Variants in GALNT17 observed in about 807,000 individuals in gnomAD.
GALNT17 encodes UDP-GalNAc:polypeptide N-acetylgalactosaminyltransferase-like 3.
GALNT17 carries 29 observed loss-of-function variants against 63.7 expected under a neutral mutation model. The ratio of observed to expected loss-of-function variants is 0.46; its 90% CI spans 0.34 to 0.62. The LOEUF is 0.62. GALNT17 is among the 20% of genes least tolerant of loss of function. The pLI, the probability that GALNT17 is intolerant of heterozygous loss-of-function variation, is 0.01. For synonymous variants in GALNT17, 305 were observed against 318.3 expected (o/e 0.96, Z 0.45); for missense variants, 603 against 799.6 (o/e 0.75, Z 2.97).
At chr7:71,467,568 CAT>C (rs1359964183) in intron 5 of GALNT17, among the ~76,000 whole-genome samples, 1 of 151,240 alleles carries the variant, frequency 6.6e-6, no homozygotes, top group Non-Finnish European at 1.5e-5. Flanking sequence ...CTTTCTGTGA[CAT>C]GTGTTCTTAC....
chr7:71,523,584 G>A (rs1294833944), intron 5 of GALNT17, among the ~76,000 whole-genome samples: 11 of 151,422 alleles, frequency 7.3e-5, no homozygotes, highest in African/African-American at 1.9e-4. Context: ...ACAAGATCAC[G>A]TCTCCACAAA....
At chr7:71,282,229 G>C (rs527275549) in intron 1 of GALNT17, among the ~76,000 whole-genome samples, 15 of 152,202 alleles carry the variant, frequency 9.9e-5, no homozygotes, top group Non-Finnish European at 2.1e-4. Flanking sequence ...CGACTGGCAG[G>C]TTTGTGCCTC....
intron 2 of GALNT17, among the ~76,000 whole-genome samples, chr7:71,346,104 G>C (rs943542281): frequency 6.6e-6 from 1 of 151,676 alleles, no homozygotes; most frequent in Admixed American, 6.6e-5. Context: ...GAAGTGGGGG[G>C]ATTGCTTGAG....
intron 1 of GALNT17, among the ~76,000 whole-genome samples, chr7:71,190,036 C>T (rs1788922771): frequency 6.6e-6 from 1 of 152,078 alleles, no homozygotes; most frequent in African/African-American, 2.4e-5. Context: ...TGGTCTCGAT[C>T]ACCTGACCTT....
intron 1 of GALNT17, among the ~76,000 whole-genome samples, chr7:71,222,198 C>T (rs895564648): frequency 6.6e-6 from 1 of 152,066 alleles, no homozygotes. Context: ...TGAGCCACCA[C>T]TGCTGGCCCT....
At chr7:71,511,727 C>T (rs1476013451) in intron 5 of GALNT17, among the ~76,000 whole-genome samples, 1 of 152,124 alleles carries the variant, frequency 6.6e-6, no homozygotes, top group African/African-American at 2.4e-5. Context: ...ACCATAGTGC[C>T]CCCTATAGTT....
At chr7:71,514,703 A>G (rs1788418250) in intron 5 of GALNT17, among the ~76,000 whole-genome samples, 1 of 152,088 alleles carries the variant, frequency 6.6e-6, no homozygotes, top group African/African-American at 2.4e-5. Context: ...TAATGGCTTC[A>G]TTTCTCTAAG....
At chr7:71,525,853 C>T (rs1028985548) in intron 5 of GALNT17, among the ~76,000 whole-genome samples, 6 of 150,770 alleles carry the variant, frequency 4.0e-5, no homozygotes, top group Non-Finnish European at 7.4e-5. Flanking sequence ...GATTCTCCTG[C>T]CTCATCTTCC....
intron 2 of GALNT17, 79 bp from the exon 3 acceptor site, chr7:71,388,156 A>C (rs934616581): frequency 1.3e-6 from 2 of 1,494,026 alleles, no homozygotes. Context: ...TTCGGCTGAA[A>C]TCTTACACTA....
intron 5 of GALNT17, among the ~76,000 whole-genome samples, chr7:71,548,981 G>T (rs1376291564): frequency 6.6e-6 from 1 of 152,158 alleles, no homozygotes; most frequent in Non-Finnish European, 1.5e-5. Flanking sequence ...GTGTGTGGGA[G>T]AAACAGCTTT....
rs754219082 is a variant in GALNT17 at position 71,712,141 on chromosome 7, A to G, written c.1792A>G (p.Lys598Glu). The change falls in exon 11 of 11, where the codon AAG (lysine) becomes GAG (glutamate). Residue 598 changes from lysine (K) to glutamate (E), a missense_variant. Around this residue, in one of 3 missense-constraint regions of GALNT17, gnomAD observed 72 missense variants for 76.9 expected, o/e 0.94. Coordinates refer to ENST00000333538, the MANE Select transcript of GALNT17 (RefSeq NM_022479.3). ...GAGGTGGACCATTAAGAACTCCATC[A>G]AGTAGAGGGAGGGAGCTGGGGCACT... ...GQRWTIKNSI[K>E] The G allele has an allele frequency of 6.2e-6, 10 of 1,612,422 alleles. No homozygotes were observed. In the Admixed American group the frequency reaches 1.7e-4, roughly 27 times the overall value.
intron 2 of GALNT17, among the ~76,000 whole-genome samples, chr7:71,367,897 G>A (rs1792544827): frequency 6.6e-6 from 1 of 152,208 alleles, no homozygotes; most frequent in Non-Finnish European, 1.5e-5. Flanking sequence ...GAATAAGGAA[G>A]AGGGGACTTG....
intron 5 of GALNT17, among the ~76,000 whole-genome samples, chr7:71,554,016 T>G (rs1789123326): frequency 6.6e-6 from 1 of 152,176 alleles, no homozygotes; most frequent in African/African-American, 2.4e-5. Context: ...CAATCTTGAG[T>G]TTTGTCCCTT....
intron 5 of GALNT17, among the ~76,000 whole-genome samples, chr7:71,526,889 C>A (rs1007223943): frequency 7.9e-5 from 12 of 152,330 alleles, no homozygotes; most frequent in Admixed American, 7.8e-4. Context: ...GTGCCAACTC[C>A]TCCAGGAAGT....
At chr7:71,635,261 C>T (rs1790512944) in intron 6 of GALNT17, among the ~76,000 whole-genome samples, 1 of 151,146 alleles carries the variant, frequency 6.6e-6, no homozygotes. Context: ...TTATGGAGAC[C>T]GAAGTTCTTA....
At chr7:71,282,606 G>A (rs566074529) in intron 1 of GALNT17, among the ~76,000 whole-genome samples, 1 of 152,244 alleles carries the variant, frequency 6.6e-6, no homozygotes, top group South Asian at 2.1e-4. Context: ...AGAGGAGGGA[G>A]GAATATTGTG....
chr7:71,336,885 GC>G (rs1791918345), intron 2 of GALNT17, among the ~76,000 whole-genome samples: 1 of 152,162 alleles, frequency 6.6e-6, no homozygotes, highest in African/African-American at 2.4e-5. Context: ...AAATGGGTCT[GC>G]TTTGAGTTCT....
At chr7:71,457,755 C>T (rs775372591) in intron 5 of GALNT17, among the ~76,000 whole-genome samples, 2 of 152,166 alleles carry the variant, frequency 1.3e-5, no homozygotes, top group East Asian at 1.9e-4. Context: ...TTTACCACAA[C>T]TTGTTTTTGA....
At chr7:71,484,616 G>A (rs968095557) in intron 5 of GALNT17, among the ~76,000 whole-genome samples, 3 of 152,040 alleles carry the variant, frequency 2.0e-5, no homozygotes, top group African/African-American at 2.4e-5. Context: ...TGGCAGCTAC[G>A]ACATCATTAG....
Sources: gnomAD v4.1 joint callset for allele counts (sites outside exome capture counted in the v4.1 genomes callset) on GRCh38, gnomAD v4.1.1 for gene constraint, gnomAD v4.1.1 regional missense constraint, MANE v1.5 for transcripts, NCBI Gene and HGNC (gene_info 2026-07-23, HGNC 2026-07-21) for gene names.